Variants in MAS1 observed in about 807,000 individuals in gnomAD.
MAS1 encodes proto-oncogene Mas.
For synonymous variants in MAS1, 163 were observed against 164.2 expected, an observed-to-expected ratio of 0.99 and a Z score of 0.05; for missense variants, 387 against 409.7, an observed-to-expected ratio of 0.94 and a Z score of 0.48.
chr6:159,898,783 C>T (rs1782791494), intron 1 of MAS1, among the ~76,000 whole-genome samples: 1 of 151,168 alleles, frequency 6.6e-6, no homozygotes, highest in Admixed American at 6.6e-5. Context: ...TTCCCCTTCT[C>T]CCTTCTTCTC....
chr6:159,905,333 G>A (rs1453917153), intron 2 of MAS1, among the ~76,000 whole-genome samples: 1 of 152,242 alleles, frequency 6.6e-6, no homozygotes, highest in Non-Finnish European at 1.5e-5. Flanking sequence ...GGGCATGCGA[G>A]CTCTCATCCT....
Position 159,915,486 on chromosome 6 carries a change from C to T in MAS1, c.*7553C>T, listed in dbSNP as rs1233790023. 1 of 152,200 alleles carries T rather than the reference C, an allele frequency of 6.6e-6. No homozygotes were observed. Among genetic ancestry groups the T allele is most frequent in the Non-Finnish European group, 1.5e-5 (1 of 68,064 alleles). 9.4% of individuals were successfully genotyped at this position (152,200 alleles called of 1,614,324 possible). ...GGTGCCCTGGTTGAGGTTATTGTTC[C>T]GCAGGCACTCCTGTGGGGAAGGAGT... On this transcript the variant is annotated 3_prime_UTR_variant, in exon 3 of 3. Transcript: ENST00000674077.
Position 159,916,120 on chromosome 6 carries a change from C to T in MAS1, c.*8187C>T, listed in dbSNP as rs890236278. The T allele has an allele frequency of 2.0e-5, 3 of 152,252 alleles. No homozygotes were observed. Among genetic ancestry groups the T allele is most frequent in the African/African-American group, 7.2e-5 (3 of 41,464 alleles). 9.4% of individuals were successfully genotyped at this position (152,252 alleles called of 1,614,324 possible). A position where few individuals can be genotyped will look rare whatever the true frequency, so the allele number is the denominator to read the frequency against. ...ATCATGGAATTAAAGTAACCTACCC[C>T]ACGAAGTAGCTGTGCCAAGTAAGTG... On this transcript the variant is annotated 3_prime_UTR_variant, in exon 3 of 3. Coordinates refer to ENST00000674077, the MANE Select transcript of MAS1 (RefSeq NM_002377.4).
upstream of MAS1, among the ~76,000 whole-genome samples, chr6:159,888,828 A>G (rs1782665384): frequency 6.6e-6 from 1 of 152,166 alleles, no homozygotes; most frequent in Non-Finnish European, 1.5e-5. Context: ...CCCACCTCTG[A>G]AGGGGAGAAT....
At position 159,907,516 on chromosome 6, in the gene MAS1, C is replaced by A; in HGVS notation, c.561C>A (p.Val187=). 1 of 1,613,990 alleles carries A rather than the reference C, an allele frequency of 6.2e-7. No individual in the cohort carries two copies. The highest frequency in any genetic ancestry group is 1.1e-5 in the South Asian group (1 of 91,060). The change falls in exon 3 of 3, where the codon GTC becomes GTA. Residue 187 remains valine (V), a synonymous_variant. Coordinates refer to ENST00000674077, the MANE Select transcript of MAS1 (RefSeq NM_002377.4). The stretch of plus-strand genomic sequence containing the variant: ...ACTCTCGGAATGACTGCCGAGCAGT[C>A]ATCATCTTTATAGCCATCCTGAGCT... ...ESHSRNDCRA[V]IIFIAILSFL...
At chr6:159,892,551 G>A (rs904920356) in intron 1 of MAS1, among the ~76,000 whole-genome samples, 64 of 152,182 alleles carry the variant, frequency 4.2e-4, no homozygotes, top group Admixed American at 2.6e-3. Flanking sequence ...GAATGGGAAT[G>A]TGGAAGGGGT....
chr6:159,905,092 A>G (rs969588464), intron 2 of MAS1, among the ~76,000 whole-genome samples: 4 of 152,170 alleles, frequency 2.6e-5, no homozygotes, highest in African/African-American at 9.7e-5. Flanking sequence ...ACGCACTGAC[A>G]TCAGTTTGAT....
intron 1 of MAS1, among the ~76,000 whole-genome samples, chr6:159,892,168 G>A (rs149996212): frequency 2.6e-5 from 4 of 152,264 alleles, no homozygotes; most frequent in South Asian, 2.1e-4. Flanking sequence ...TGGGGAAGAC[G>A]GGAATGATGC....
At chr6:159,893,322 T>A (rs1036270689) in intron 1 of MAS1, among the ~76,000 whole-genome samples, 3 of 152,014 alleles carry the variant, frequency 2.0e-5, no homozygotes, top group African/African-American at 7.3e-5. Context: ...GATATCTGCA[T>A]GGGGGGTACA....
At chr6:159,897,302 C>G (rs1782766018) in intron 1 of MAS1, among the ~76,000 whole-genome samples, 1 of 152,142 alleles carries the variant, frequency 6.6e-6, no homozygotes, top group Non-Finnish European at 1.5e-5. Context: ...TCTTCTGTTT[C>G]TGGGTGGGAT....
Position 159,907,302 on chromosome 6 carries a change from A to G in MAS1, c.347A>G (p.Tyr116Cys), listed in dbSNP as rs1782901896. Residue 116 changes from tyrosine (Y) to cysteine (C), a missense_variant, in exon 3 of 3, where the codon TAC becomes TGC. Tyr to Cys is a radical substitution (Grantham distance 194, BLOSUM62 -2). Coordinates refer to ENST00000674077, the MANE Select transcript of MAS1 (RefSeq NM_002377.4). ...TTATCAGTGACTTTTCTGTTTGGCT[A>G]CAACACGGGCCTCTATCTGCTGACG... Reference protein sequence around the residue: ...VTLSVTFLFGYNTGLYLLTAI... With the variant: ...VTLSVTFLFGCNTGLYLLTAI... 1 of 1,614,090 alleles carries G rather than the reference A, an allele frequency of 6.2e-7. No homozygotes were observed. Among genetic ancestry groups the G allele is most frequent in the African/African-American group, 1.3e-5 (1 of 74,910 alleles).
upstream of MAS1, among the ~76,000 whole-genome samples, chr6:159,890,959 A>G (rs911647218): frequency 2.6e-5 from 4 of 152,192 alleles, no homozygotes; most frequent in Admixed American, 1.3e-4. Context: ...GCACATCTCA[A>G]ATATTTTCAG....
In MAS1 at chr6:159,910,860, G is replaced by A; in HGVS notation, c.*2927G>A. On this transcript the variant is annotated 3_prime_UTR_variant, in exon 3 of 3. Transcript: ENST00000674077. The stretch of plus-strand genomic sequence containing the variant: ...GCAGCCTGACCATCATAGAGAGATT[G>A]GTCCAGATAGGAAGGTGAGTAACTT... 1 of 152,206 alleles carries A rather than the reference G, an allele frequency of 6.6e-6. No homozygotes were observed. Among genetic ancestry groups the A allele is most frequent in the East Asian group, 1.9e-4 (1 of 5,198 alleles). The allele number at this position is 152,206 out of a possible 1,614,324, so 9.4% of individuals were successfully genotyped here. A position where few individuals can be genotyped will look rare whatever the true frequency, so the allele number is the denominator to read the frequency against.
At chr6:159,900,206 G>A (rs1238898395) in intron 2 of MAS1, among the ~76,000 whole-genome samples, 1 of 152,128 alleles carries the variant, frequency 6.6e-6, no homozygotes, top group Non-Finnish European at 1.5e-5. Context: ...TCAACTGTGT[G>A]GTCTTCTCTC....
At chr6:159,891,364 G>A (rs1198060021) in intron 1 of MAS1, among the ~76,000 whole-genome samples, 3 of 152,174 alleles carry the variant, frequency 2.0e-5, no homozygotes, top group African/African-American at 7.2e-5. Flanking sequence ...ACTGTTCCCA[G>A]ACATTGTTTT....
At position 159,913,716 on chromosome 6, in the gene MAS1, A is replaced by T. The variant is rs1351178542; in HGVS notation, c.*5783A>T. 1 of 152,230 alleles carries T rather than the reference A, an allele frequency of 6.6e-6. No individual in the cohort carries two copies. The highest frequency in any genetic ancestry group is 1.9e-4 in the East Asian group (1 of 5,202). The allele number at this position is 152,230 out of a possible 1,614,324, so 9.4% of individuals were successfully genotyped here. A position where few individuals can be genotyped will look rare whatever the true frequency, so the allele number is the denominator to read the frequency against. ...TTTTCCTAAAGGCCAAAAATCAGCT[A>T]TTGGGGTCTCATTTGCTTAAAATTA... is the stretch of plus-strand genomic sequence containing the variant. On this transcript the variant is annotated 3_prime_UTR_variant, in exon 3 of 3. Coordinates refer to ENST00000674077, the MANE Select transcript of MAS1 (RefSeq NM_002377.4).
Position 159,907,995 on chromosome 6 carries a change from G to T in MAS1, c.*62G>T. ...CACAGGTCATTTTTAGTTTGTGCTT[G>T]GAATATGACTTAAGTATCTCCTAAA... On this transcript the variant is annotated 3_prime_UTR_variant, in exon 3 of 3. Coordinates refer to ENST00000674077, the MANE Select transcript of MAS1 (RefSeq NM_002377.4). 1 of 1,505,658 alleles carries T rather than the reference G, an allele frequency of 6.6e-7. No individual in the cohort carries two copies. The allele number at this position is 1,505,658 out of a possible 1,614,324, so 93.3% of individuals were successfully genotyped here. A position where few individuals can be genotyped will look rare whatever the true frequency, so the allele number is the denominator to read the frequency against.
In MAS1 at chr6:159,907,185, A is replaced by G; in HGVS notation, c.230A>G (p.Asp77Gly). 6.2e-7 allele frequency: 1 copy of G among 1,614,254 alleles called. No individual in the cohort carries two copies. The highest frequency in any genetic ancestry group is 8.5e-7 in the Non-Finnish European group (1 of 1,180,046). ...TVYITHLSIA[D>G]ISLLFCIFIL... ...TACATCACCCACCTGTCTATCGCAG[A>G]CATCTCACTGCTCTTCTGTATTTTC... is the stretch of plus-strand genomic sequence containing the variant. Residue 77 changes from aspartate (D) to glycine (G), a missense_variant, in exon 3 of 3, where the codon GAC becomes GGC. Coordinates refer to ENST00000674077, the MANE Select transcript of MAS1 (RefSeq NM_002377.4).
chr6:159,913,784 A>G lies in MAS1; in HGVS notation c.*5851A>G, dbSNP rs547161420. 5 of 152,240 alleles carry G rather than the reference A, an allele frequency of 3.3e-5. No homozygotes were observed. The highest frequency in any genetic ancestry group is 5.9e-5 in the Non-Finnish European group (4 of 68,046). The allele number at this position is 152,240 out of a possible 1,614,324, so 9.4% of individuals were successfully genotyped here. A position where few individuals can be genotyped will look rare whatever the true frequency, so the allele number is the denominator to read the frequency against. ...TTATAATGAGTTTTAGTAAAGCAAA[A>G]TTAAAACAATTTTCATGATTTTAAT... On this transcript the variant is annotated 3_prime_UTR_variant, in exon 3 of 3. Transcript: ENST00000674077.
Sources: allele counts gnomAD v4.1 joint callset (sites outside exome capture counted in the v4.1 genomes callset), GRCh38; gene constraint gnomAD v4.1.1; transcripts MANE v1.5; gene names NCBI Gene and HGNC (gene_info 2026-07-23, HGNC 2026-07-21).